Variants in ITPR1 observed in about 807,000 individuals in gnomAD.
ITPR1 encodes inositol 1,4,5-trisphosphate-gated calcium channel ITPR1.
ITPR1 carries 96 observed loss-of-function variants against 318.4 expected under a neutral mutation model. The observed-to-expected ratio is 0.30, with a 90% CI of 0.26 to 0.36. The LOEUF is 0.36. ITPR1 is among the 10% of genes least tolerant of loss of function. The pLI, the probability that ITPR1 is intolerant of heterozygous loss-of-function variation, is 1.00. For missense variants in ITPR1, 2,440 were observed against 3,460.2 expected, an observed-to-expected ratio of 0.71 and a Z score of 7.40; for synonymous variants, 1,312 against 1,289.9, an observed-to-expected ratio of 1.02 and a Z score of -0.37.
In ITPR1 at chr3:4,567,776, G is replaced by A. The variant is rs537653072; in HGVS notation, c.163+46682G>A. Among the ~76,000 whole-genome samples, 9 of 152,110 alleles carry A rather than the reference G, an allele frequency of 5.9e-5. No individual in the cohort carries two copies. The South Asian group carries it at 1.5e-3, about 25-fold the overall frequency. On this transcript the variant is annotated intron_variant, in intron 4 of 61. Transcript: ENST00000649015. ...GTCACCACACCCAGCTAATTTTTTT[G>A]TACTTTTAGTAGAGATGGGATTTCA...
intron 44 of ITPR1, among the ~76,000 whole-genome samples, chr3:4,745,544 G>A (rs1274952156): frequency 1.3e-5 from 2 of 152,186 alleles, no homozygotes; most frequent in African/African-American, 4.8e-5. Flanking sequence ...GGTAAACACA[G>A]GGACTTCTCA....
At chr3:4,633,518 G>C (rs954803168) in intron 5 of ITPR1, among the ~76,000 whole-genome samples, 3 of 152,158 alleles carry the variant, frequency 2.0e-5, no homozygotes, top group Non-Finnish European at 2.9e-5. Context: ...TAGTTGTCTA[G>C]ACCACTTGAC....
In ITPR1 at chr3:4,767,769, C is replaced by T. The variant is rs539976174; in HGVS notation, c.5726-742C>T. Among the ~76,000 whole-genome samples, 163 of 152,338 alleles carry T rather than the reference C, an allele frequency of 1.1e-3. 1 individual carries two copies. The highest frequency in any genetic ancestry group is 3.8e-3 in the African/African-American group (156 of 41,572). ...TCTAAAACTTCTGGCCTCAAGTGAT[C>T]CTCTTGAGTAGCTGGGATTATAGTC... On this transcript the variant is annotated intron_variant, in intron 45 of 61. Coordinates refer to ENST00000649015, the MANE Select transcript of ITPR1 (RefSeq NM_001378452.1).
chr3:4,838,382 C>G (rs1481043710), intron 61 of ITPR1, among the ~76,000 whole-genome samples: 1 of 150,728 alleles, frequency 6.6e-6, no homozygotes, highest in East Asian at 2.0e-4. Flanking sequence ...CTGCAGGACT[C>G]ATGAGGACAT....
At position 4,667,496 on chromosome 3, in the gene ITPR1, C is replaced by T. The variant is rs546056087; in HGVS notation, c.1833C>T (p.Thr611=). The change falls in exon 18 of 62, where the codon ACC becomes ACT. Residue 611 remains threonine (T), a synonymous_variant. Coordinates refer to ENST00000649015, the MANE Select transcript of ITPR1 (RefSeq NM_001378452.1). ...GGAAACTCCTGGAAAAACACATTAC[C>T]GCGGCAGAGATTGACACATTTGTCA... The part of the protein sequence containing the change: ...NNRKLLEKHI[T]AAEIDTFVSL... The T allele has an allele frequency of 3.5e-5, 57 of 1,613,740 alleles. No individual in the cohort carries two copies. Among genetic ancestry groups the T allele is most frequent in the Middle Eastern group, 1.7e-4 (1 of 6,050 alleles).
intron 61 of ITPR1, among the ~76,000 whole-genome samples, chr3:4,844,411 C>T (rs894342251): frequency 1.3e-5 from 2 of 152,132 alleles, no homozygotes; most frequent in African/African-American, 4.8e-5. Context: ...GGCGTGAGCC[C>T]GCTGCACCTG....
At chr3:4,585,681 C>A (rs2089819384) in intron 4 of ITPR1, among the ~76,000 whole-genome samples, 1 of 152,142 alleles carries the variant, frequency 6.6e-6, no homozygotes, top group East Asian at 1.9e-4. Context: ...AAGTGATCTA[C>A]CTGCCTCAGC....
chr3:4,608,288 A>C (rs1245884099), intron 4 of ITPR1, among the ~76,000 whole-genome samples: 1 of 152,166 alleles, frequency 6.6e-6, no homozygotes, highest in African/African-American at 2.4e-5. Context: ...AGGAGCAGCC[A>C]GGGTTGAGAA....
intron 4 of ITPR1, among the ~76,000 whole-genome samples, chr3:4,602,795 A>G (rs552704740): frequency 6.6e-6 from 1 of 152,248 alleles, no homozygotes; most frequent in East Asian, 1.9e-4. Flanking sequence ...ATTTATGTAA[A>G]ATACCGAGAA....
chr3:4,584,613 G>A (rs1342891461), intron 4 of ITPR1, among the ~76,000 whole-genome samples: 1 of 151,862 alleles, frequency 6.6e-6, no homozygotes, highest in Admixed American at 6.6e-5. Flanking sequence ...GGAGGGAGGG[G>A]GCCGAAGGAA....
chr3:4,731,488 G>A (rs1285080759), intron 42 of ITPR1, among the ~76,000 whole-genome samples: 6 of 152,176 alleles, frequency 3.9e-5, no homozygotes, highest in African/African-American at 1.4e-4. Flanking sequence ...ACCCTCCTTT[G>A]CTGAACTATG....
At chr3:4,792,582 C>T (rs1316987684) in intron 52 of ITPR1, among the ~76,000 whole-genome samples, 4 of 152,160 alleles carry the variant, frequency 2.6e-5, no homozygotes, top group Admixed American at 6.5e-5. Flanking sequence ...GGTGCTCTTA[C>T]GTGGCTGTCG....
chr3:4,708,334 G>A (rs1474397600), intron 37 of ITPR1, among the ~76,000 whole-genome samples: 2 of 152,142 alleles, frequency 1.3e-5, no homozygotes, highest in Non-Finnish European at 2.9e-5. Flanking sequence ...ACTTAAACGT[G>A]CATCTTAACT....
At chr3:4,771,221 T>A (rs887504055) in intron 46 of ITPR1, among the ~76,000 whole-genome samples, 2 of 151,996 alleles carry the variant, frequency 1.3e-5, no homozygotes, top group Non-Finnish European at 2.9e-5. Context: ...CAGAGCTGAG[T>A]CTAGGGTAGC....
At chr3:4,511,885 G>T (rs2081855926) in intron 2 of ITPR1, among the ~76,000 whole-genome samples, 1 of 152,174 alleles carries the variant, frequency 6.6e-6, no homozygotes, top group African/African-American at 2.4e-5. Context: ...AATCTAGATA[G>T]CATTCACATA....
At chr3:4,732,849 G>C (rs2043020682) in intron 42 of ITPR1, among the ~76,000 whole-genome samples, 1 of 152,174 alleles carries the variant, frequency 6.6e-6, no homozygotes, top group Non-Finnish European at 1.5e-5. Flanking sequence ...TCTTATCATT[G>C]TGTGAGAGGG....
At chr3:4,596,948 G>T (rs2090875394) in intron 4 of ITPR1, among the ~76,000 whole-genome samples, 1 of 152,156 alleles carries the variant, frequency 6.6e-6, no homozygotes, top group African/African-American at 2.4e-5. Context: ...ATGTTACCAG[G>T]GGTTTGCCGC....
At chr3:4,816,219 C>T (rs1424802910) in intron 59 of ITPR1, 1 of 152,138 alleles carries the variant, frequency 6.6e-6, no homozygotes, top group Non-Finnish European at 1.5e-5. Flanking sequence ...TTTGCAAATC[C>T]CACCTCCTGC....
intron 44 of ITPR1, among the ~76,000 whole-genome samples, chr3:4,754,095 A>G (rs1006276871): frequency 4.0e-5 from 6 of 150,666 alleles, no homozygotes; most frequent in Non-Finnish European, 7.4e-5. Context: ...ATAAATTTCA[A>G]GTTGAATTCC....
Sources: gnomAD v4.1 joint callset for allele counts (sites outside exome capture counted in the v4.1 genomes callset) on GRCh38, gnomAD v4.1.1 for gene constraint, MANE v1.5 for transcripts, NCBI Gene and HGNC (gene_info 2026-07-23, HGNC 2026-07-21) for gene names.